Variants in CRYBG1 observed in about 807,000 individuals in gnomAD.
CRYBG1 encodes crystallin beta-gamma domain containing 1, also known as beta/gamma crystallin domain-containing protein 1.
In CRYBG1, 139 loss-of-function variants were observed where a neutral mutation model predicts 189.2. The observed-to-expected ratio is 0.73, with a 90% CI of 0.64 to 0.85. The LOEUF is 0.85. Among genes scored for constraint, CRYBG1 ranks in the 40% least tolerant of loss-of-function variants. The pLI is 0.00. For missense variants in CRYBG1, 2,611 were observed against 2,675.8 expected (o/e 0.98, Z 0.53); for synonymous variants, 1,023 against 1,017.1 (o/e 1.01, Z -0.11).
intron 2 of CRYBG1, among the ~76,000 whole-genome samples, chr6:106,468,867 G>T (rs944454571): frequency 6.6e-6 from 1 of 152,094 alleles, no homozygotes; most frequent in Non-Finnish European, 1.5e-5. Flanking sequence ...CTCCTAATTG[G>T]TCTTCTTGCC....
chr6:106,463,135 T>A (rs200689823), intron 2 of CRYBG1, among the ~76,000 whole-genome samples: 1 of 151,932 alleles, frequency 6.6e-6, no homozygotes, highest in Non-Finnish European at 1.5e-5. Context: ...GCCTGGGTGA[T>A]AGAGAAAGAC....
At chr6:106,558,240 TC>T (rs57841452) in intron 17 of CRYBG1, among the ~76,000 whole-genome samples, 133,198 of 149,714 alleles carry the variant, frequency 0.89, 60,138 homozygotes, top group Non-Finnish European at 0.98. Flanking sequence ...CTTTTTTTTT[TC>T]CCCCTGTTTT....
At chr6:106,441,143 C>T (rs567949664) in intron 1 of CRYBG1, among the ~76,000 whole-genome samples, 1 of 152,000 alleles carries the variant, frequency 6.6e-6, no homozygotes, top group Non-Finnish European at 1.5e-5. Flanking sequence ...AAAACCCAAG[C>T]AAAGACATAT....
intron 16 of CRYBG1, 127 bp downstream of exon 16, chr6:106,553,694 C>T (rs898313648): frequency 1.7e-5 from 12 of 692,964 alleles, no homozygotes; most frequent in South Asian, 5.0e-5. Flanking sequence ...AGTCCAATGG[C>T]GTGCTTCGTG....
chr6:106,536,846 C>G (rs1774015039), intron 8 of CRYBG1, among the ~76,000 whole-genome samples: 1 of 152,142 alleles, frequency 6.6e-6, no homozygotes, highest in South Asian at 2.1e-4. Context: ...ACTGAAATAA[C>G]CCTGCCTGGA....
rs576301360 is a variant in CRYBG1, at chr6:106,455,976, ACTTGTCTGAATCTTAGTTCTTGGTGATG to A, written c.312+4153_312+4180del. ...AATCACTGCTGCTCCTTTATAAGTC[ACTTGTCTGAATCTTAGTTCTTGGTGATG>A]CTTGTCTGCCCCATCATTCAGGAAA... On this transcript the variant is annotated intron_variant, in intron 2 of 21. Coordinates refer to ENST00000633556, the MANE Select transcript of CRYBG1 (RefSeq NM_001371242.2). Among the ~76,000 whole-genome samples, 70 of 152,222 alleles carry A rather than the reference ACTTGTCTGAATCTTAGTTCTTGGTGATG, an allele frequency of 4.6e-4. 1 individual carries two copies. In the South Asian group the frequency reaches 0.014, roughly 30 times the overall value.
At chr6:106,400,693 T>C (rs1770705314) in intron 1 of CRYBG1, among the ~76,000 whole-genome samples, 1 of 152,176 alleles carries the variant, frequency 6.6e-6, no homozygotes, top group Non-Finnish European at 1.5e-5. Flanking sequence ...ATGAATATGA[T>C]ACAATTCCTG....
intron 2 of CRYBG1, among the ~76,000 whole-genome samples, chr6:106,465,843 A>G (rs1040341959): frequency 6.6e-5 from 10 of 152,132 alleles, no homozygotes; most frequent in Admixed American, 6.5e-4. Flanking sequence ...TATATCTTGT[A>G]ATTACTCTTT....
At chr6:106,483,431 G>T (rs1435249561) in intron 2 of CRYBG1, among the ~76,000 whole-genome samples, 1 of 135,058 alleles carries the variant, frequency 7.4e-6, no homozygotes, top group African/African-American at 2.5e-5. Flanking sequence ...CTTATTTATT[G>T]TTGGACAATT....
intron 1 of CRYBG1, among the ~76,000 whole-genome samples, chr6:106,372,539 A>G (rs539044028): frequency 6.6e-6 from 1 of 152,352 alleles, no homozygotes; most frequent in East Asian, 1.9e-4. Flanking sequence ...GGCGTGAGCC[A>G]CCGTGCCTGG....
intron 1 of CRYBG1, among the ~76,000 whole-genome samples, chr6:106,365,350 C>T (rs1480747165): frequency 6.6e-6 from 1 of 151,600 alleles, no homozygotes; most frequent in Non-Finnish European, 1.5e-5. Flanking sequence ...TCACTTGAAC[C>T]TGGGAGGTGG....
intron 13 of CRYBG1, among the ~76,000 whole-genome samples, chr6:106,548,966 T>C (rs1170457723): frequency 6.8e-6 from 1 of 147,470 alleles, no homozygotes; most frequent in African/African-American, 2.5e-5. Context: ...ATTGTTCAAT[T>C]CCCACCTATG....
intron 1 of CRYBG1, among the ~76,000 whole-genome samples, chr6:106,450,305 C>T (rs1771757870): frequency 6.6e-6 from 1 of 151,910 alleles, no homozygotes; most frequent in South Asian, 2.1e-4. Flanking sequence ...TTGATTAGAT[C>T]TTCCTGCCCT....
At chr6:106,496,299 G>C (rs925635755) in intron 2 of CRYBG1, among the ~76,000 whole-genome samples, 1 of 152,136 alleles carries the variant, frequency 6.6e-6, no homozygotes, top group Non-Finnish European at 1.5e-5. Flanking sequence ...ATAAAGCCCC[G>C]ATTAAATGTT....
In CRYBG1 at chr6:106,538,649, T is replaced by C. The variant is rs184159123; in HGVS notation, c.4719-754T>C. ...GCTCACACCTGTAATCCCAGCACCT[T>C]TGGGAGGCCAAGGCGGGCGGATCAC... On this transcript the variant is annotated intron_variant, in intron 8 of 21. Coordinates refer to ENST00000633556, the MANE Select transcript of CRYBG1 (RefSeq NM_001371242.2). Among the ~76,000 whole-genome samples the C allele has an allele frequency of 2.0e-3, 309 of 152,224 alleles. 1 individual carries two copies. The highest frequency in any genetic ancestry group is 4.8e-3 in the South Asian group (23 of 4,830).
chr6:106,366,983 A>C (rs1270718509), intron 1 of CRYBG1, among the ~76,000 whole-genome samples: 2 of 152,212 alleles, frequency 1.3e-5, no homozygotes, highest in African/African-American at 2.4e-5. Context: ...TGGTCTCTAA[A>C]AGGGAGACCC....
chr6:106,554,578 C>G (rs1473240952), intron 16 of CRYBG1, among the ~76,000 whole-genome samples: 1 of 152,050 alleles, frequency 6.6e-6, no homozygotes, highest in Non-Finnish European at 1.5e-5. Flanking sequence ...TAGCACTGCA[C>G]TCTAGCCTGG....
intron 2 of CRYBG1, among the ~76,000 whole-genome samples, chr6:106,495,008 T>A (rs767289145): frequency 6.6e-6 from 1 of 152,172 alleles, no homozygotes; most frequent in Non-Finnish European, 1.5e-5. Flanking sequence ...ATAATCAGGT[T>A]TTTCATGCAA....
chr6:106,564,776 A>G (rs1774828305), intron 21 of CRYBG1, among the ~76,000 whole-genome samples: 1 of 152,176 alleles, frequency 6.6e-6, no homozygotes, highest in Non-Finnish European at 1.5e-5. Context: ...ACAGGTGCAG[A>G]TGGTGTGTTC....
Sources: allele counts gnomAD v4.1 joint callset (sites outside exome capture counted in the v4.1 genomes callset), GRCh38; gene constraint gnomAD v4.1.1; transcripts MANE v1.5; gene names NCBI Gene and HGNC (gene_info 2026-07-23, HGNC 2026-07-21).